Variants in PASD1 observed in about 807,000 individuals in gnomAD.
The protein encoded by PASD1 is circadian clock protein PASD1.
PASD1 carries 13 observed loss-of-function variants against 58.8 expected under a neutral mutation model. That is an observed-to-expected ratio of 0.22 (90% CI 0.14 to 0.35). The LOEUF is 0.35. Among genes scored for constraint, PASD1 ranks in the 10% least tolerant of loss-of-function variants. PASD1 has a pLI of 1.00. For synonymous variants in PASD1, 236 were observed against 216.7 expected, an observed-to-expected ratio of 1.09 and a Z score of -0.78; for missense variants, 734 against 568.3, an observed-to-expected ratio of 1.29 and a Z score of -2.96.
intron 9 of PASD1, among the ~76,000 whole-genome samples, chrX:151,656,436 A>G (rs2014242902): frequency 9.0e-6 from 1 of 111,495 alleles, no homozygotes; most frequent in Admixed American, 9.5e-5. Context: ...TGAATCTATA[A>G]ATTACCTTGG....
intron 2 of PASD1, among the ~76,000 whole-genome samples, chrX:151,603,695 A>G (rs2013449330): frequency 9.0e-6 from 1 of 110,569 alleles, no homozygotes; most frequent in East Asian, 2.9e-4. Flanking sequence ...TGTTACTCCT[A>G]TTTCACACCC....
At chrX:151,643,130 T>C (rs2014017677) in intron 8 of PASD1, among the ~76,000 whole-genome samples, 1 of 112,376 alleles carries the variant, frequency 8.9e-6, no homozygotes, top group East Asian at 2.8e-4. Context: ...AATCAGTATA[T>C]TTGGATAATT....
At chrX:151,565,398 A>G (rs938450496) in intron 1 of PASD1, among the ~76,000 whole-genome samples, 5 of 111,335 alleles carry the variant, frequency 4.5e-5, no homozygotes, top group African/African-American at 1.6e-4. Context: ...TTAGCCTAGC[A>G]CTTCCTTAGG....
chrX:151,627,390 G>T (rs2013802656), intron 8 of PASD1, among the ~76,000 whole-genome samples: 1 of 106,253 alleles, frequency 9.4e-6, no homozygotes. Context: ...AGTGTGTGAT[G>T]TTCCCCTTCT....
At chrX:151,602,449 CT>C (rs1016487269) in intron 2 of PASD1, among the ~76,000 whole-genome samples, 1 of 111,281 alleles carries the variant, frequency 9.0e-6, no homozygotes, top group African/African-American at 3.3e-5. Context: ...CATCTTGGCA[CT>C]TTGGGAGGCC....
intron 11 of PASD1, among the ~76,000 whole-genome samples, chrX:151,669,604 T>C (rs1401730691): frequency 1.8e-5 from 2 of 111,249 alleles, no homozygotes; most frequent in African/African-American, 6.5e-5. Flanking sequence ...CTCCATGATA[T>C]CAACATTTTT....
At chrX:151,615,833 A>T (rs777746861) in intron 4 of PASD1, among the ~76,000 whole-genome samples, 1 of 112,433 alleles carries the variant, frequency 8.9e-6, no homozygotes, top group Non-Finnish European at 1.9e-5. Context: ...TTTCTCTTCT[A>T]TAAGTGGGGA....
chrX:151,666,845 C>A (rs1311604571), intron 11 of PASD1, among the ~76,000 whole-genome samples: 9 of 105,659 alleles, frequency 8.5e-5, no homozygotes, highest in Non-Finnish European at 1.7e-4. Flanking sequence ...CAATAAACAT[C>A]CGTGTGCATG....
At chrX:151,649,108 A>G (rs1450331180) in intron 9 of PASD1, among the ~76,000 whole-genome samples, 1 of 112,091 alleles carries the variant, frequency 8.9e-6, no homozygotes, top group East Asian at 2.8e-4. Flanking sequence ...AGATATGACT[A>G]GAAAGAATCC....
rs55664238 is a variant in PASD1, at chrX:151,581,227, CAA to C, written c.-28+17413_-28+17414del. 8.0e-3 allele frequency among the ~76,000 whole-genome samples: 253 copies of C among 31,481 alleles called. 2 individuals carry two copies. The highest frequency in any genetic ancestry group is 0.023 in the African/African-American group (230 of 9,811). The allele number at this position is 31,481 out of a possible 115,157, so 27.3% of individuals were successfully genotyped here. ...TAGGCAACAGAGTAAAGCTCTGTAT[CAA>C]AAAAAAAAAAAAAAAAAAAAAAAAG... is the stretch of plus-strand genomic sequence containing the variant. On this transcript the variant is annotated intron_variant, in intron 1 of 15. Transcript: ENST00000370357.
chrX:151,650,949 A>G (rs778200791), intron 9 of PASD1, among the ~76,000 whole-genome samples: 2 of 111,617 alleles, frequency 1.8e-5, no homozygotes, highest in African/African-American at 6.5e-5. Context: ...GCATGGAGAA[A>G]GAATGCCAGA....
intron 2 of PASD1, among the ~76,000 whole-genome samples, chrX:151,602,299 A>G (rs770962094): frequency 2.0e-4 from 22 of 111,895 alleles, no homozygotes; most frequent in Non-Finnish European, 2.1e-4. Flanking sequence ...ATGAAGGTTC[A>G]TAGCTAGATT....
At position 151,622,993 on chromosome X, in the gene PASD1, G is replaced by T. The variant is rs1477214119; in HGVS notation, c.475G>T (p.Ala159Ser). The change falls in exon 7 of 16, where the codon GCA (alanine) becomes TCA (serine). Residue 159 changes from alanine to serine, a missense_variant. Ala to Ser is a moderately conservative substitution (Grantham distance 99). Transcript: ENST00000370357. ...FSSHLCADFA[A>S]CVPQEDRLYL... ...CAGCCACCTCTGTGCTGACTTTGCT[G>T]CATGTGTTCCTCAGGAGGATCGGCT... The T allele has an allele frequency of 4.1e-6, 5 of 1,207,267 alleles. No individual in the cohort carries two copies. The highest frequency in any genetic ancestry group is 5.6e-6 in the Non-Finnish European group (5 of 893,043).
chrX:151,672,919 C>A (rs2014497840), intron 14 of PASD1: 1 of 371,337 alleles, frequency 2.7e-6, no homozygotes. Flanking sequence ...AGCCTCAATG[C>A]TAGGGAATTA....
At chrX:151,661,009 C>T (rs1478193677) in intron 10 of PASD1, among the ~76,000 whole-genome samples, 4 of 110,794 alleles carry the variant, frequency 3.6e-5, no homozygotes, top group African/African-American at 6.6e-5. Flanking sequence ...AAAAATTAGC[C>T]GGGCGTGGTG....
chrX:151,565,822 T>A (rs1020617020), intron 1 of PASD1, among the ~76,000 whole-genome samples: 2 of 111,964 alleles, frequency 1.8e-5, no homozygotes, highest in Non-Finnish European at 3.8e-5. Context: ...CCTCCCAAAG[T>A]GCTGGGATTG....
intron 3 of PASD1, among the ~76,000 whole-genome samples, chrX:151,605,374 G>A (rs1394062453): frequency 9.0e-6 from 1 of 111,296 alleles, no homozygotes. Context: ...ACAGCGTTTG[G>A]CAATATTAGA....
At chrX:151,661,264 A>T (rs2014306501) in intron 10 of PASD1, among the ~76,000 whole-genome samples, 3 of 112,509 alleles carry the variant, frequency 2.7e-5, no homozygotes, top group Non-Finnish European at 3.8e-5. Flanking sequence ...AAGTATCCAG[A>T]AACCAGAATT....
chrX:151,582,171 A>G (rs1221297758), intron 1 of PASD1, among the ~76,000 whole-genome samples: 1 of 109,301 alleles, frequency 9.1e-6, no homozygotes, highest in Non-Finnish European at 1.9e-5. Flanking sequence ...TATTTTTAGT[A>G]GAGACGGGGT....
Sources: gnomAD v4.1 joint callset for allele counts (sites outside exome capture counted in the v4.1 genomes callset) on GRCh38, gnomAD v4.1.1 for gene constraint, MANE v1.5 for transcripts, NCBI Gene and HGNC (gene_info 2026-07-23, HGNC 2026-07-21) for gene names.